Variants in DPH6 observed in about 807,000 individuals in gnomAD.
DPH6 encodes the protein diphthamine biosynthesis 6, also known as diphthine--ammonia ligase.
DPH6 carries 33 observed loss-of-function variants against 38.2 expected under a neutral mutation model. The observed-to-expected ratio is 0.86, with a 90% CI of 0.65 to 1.15. The LOEUF is 1.15. Among genes scored for constraint, DPH6 ranks in the 50% most tolerant of loss-of-function variants. The pLI, the probability that DPH6 is intolerant of heterozygous loss-of-function variation, is 0.00. For missense variants in DPH6, 325 were observed against 320.0 expected (o/e 1.02, Z -0.12); for synonymous variants, 108 against 103.0 (o/e 1.05, Z -0.30).
chr15:35,534,183 G>A (rs1185102296), intron 3 of DPH6, among the ~76,000 whole-genome samples: 1 of 151,962 alleles, frequency 6.6e-6, no homozygotes, highest in East Asian at 1.9e-4. Context: ...TTTGAGACCA[G>A]CCTGACCAAC....
At position 35,364,103 on chromosome 15, in the gene DPH6, G is replaced by C. The variant is rs572386771; in HGVS notation, n.207+9418C>G. ...ATTCTATCTGGAATAATTTCCTTCT[G>C]CCTTAATATCCTTTACTATCCTTTG... On this transcript the variant is annotated intron_variant and non_coding_transcript_variant, in intron 3 of 3. Coordinates refer to the DPH6 transcript ENST00000558973. Among the ~76,000 whole-genome samples the C allele has an allele frequency of 3.3e-5, 5 of 151,720 alleles. No individual in the cohort carries two copies. The East Asian group carries it at 9.7e-4, about 29-fold the overall frequency.
intron 3 of DPH6, among the ~76,000 whole-genome samples, chr15:35,461,696 A>AG (rs1224892968): frequency 6.6e-6 from 1 of 152,088 alleles, no homozygotes; most frequent in Non-Finnish European, 1.5e-5. Flanking sequence ...GAATGAAGGA[A>AG]GGGGGTACGG....
At chr15:35,158,589 TA>T in the DPH6 span, among the ~76,000 whole-genome samples, 1 of 152,086 alleles carries the variant, frequency 6.6e-6, no homozygotes, top group African/African-American at 2.4e-5. Flanking sequence ...AAAAGGAGTT[TA>T]AAAAGAGTTC....
chr15:35,189,160 A>G, the DPH6 span, among the ~76,000 whole-genome samples: 1 of 152,186 alleles, frequency 6.6e-6, no homozygotes, highest in African/African-American at 2.4e-5. Flanking sequence ...ACTTGACATT[A>G]TTAAATAGCT....
At chr15:35,468,792 G>A (rs1010195828) in intron 3 of DPH6, among the ~76,000 whole-genome samples, 8 of 152,054 alleles carry the variant, frequency 5.3e-5, no homozygotes, top group South Asian at 2.1e-4. Context: ...CAGAGGCTGG[G>A]CGCGGTGGCT....
chr15:35,226,337 T>TA (rs1287300250), intron 3 of DPH6, among the ~76,000 whole-genome samples: 1 of 152,186 alleles, frequency 6.6e-6, no homozygotes, highest in Non-Finnish European at 1.5e-5. Context: ...TAAATACCTT[T>TA]ACTCAGTCTT....
At chr15:35,382,176 C>T (rs1019456239) in intron 6 of DPH6, among the ~76,000 whole-genome samples, 2 of 152,178 alleles carry the variant, frequency 1.3e-5, no homozygotes, top group Non-Finnish European at 2.9e-5. Context: ...TGGCTCACGC[C>T]TGTAATCCCA....
intron 3 of DPH6, among the ~76,000 whole-genome samples, chr15:35,351,085 C>G (rs745400915): frequency 6.6e-6 from 1 of 152,128 alleles, no homozygotes; most frequent in Non-Finnish European, 1.5e-5. Context: ...ATTCTTCATG[C>G]TTGCTGTATA....
chr15:35,145,821 T>A, the DPH6 span, among the ~76,000 whole-genome samples: 1 of 152,198 alleles, frequency 6.6e-6, no homozygotes, highest in Non-Finnish European at 1.5e-5. Context: ...TGTATATCCA[T>A]CCACTTCTCT....
the DPH6 span, among the ~76,000 whole-genome samples, chr15:35,171,101 T>G: frequency 6.6e-6 from 1 of 152,234 alleles, no homozygotes; most frequent in Admixed American, 6.5e-5. Context: ...ACATTCATTG[T>G]AAAGAGATGA....
chr15:35,532,689 C>T (rs966426747), intron 3 of DPH6, among the ~76,000 whole-genome samples: 10 of 152,018 alleles, frequency 6.6e-5, no homozygotes, highest in Non-Finnish European at 1.0e-4. Flanking sequence ...TCATGAGCAA[C>T]TGAATATACA....
At chr15:35,266,908 A>G (rs1786786968) in intron 3 of DPH6, among the ~76,000 whole-genome samples, 1 of 152,216 alleles carries the variant, frequency 6.6e-6, no homozygotes, top group African/African-American at 2.4e-5. Flanking sequence ...ACATTAATAC[A>G]GAAATAAAAT....
chr15:35,294,770 G>C (rs2052003872), intron 3 of DPH6, among the ~76,000 whole-genome samples: 1 of 152,174 alleles, frequency 6.6e-6, no homozygotes, highest in South Asian at 2.1e-4. Flanking sequence ...TGTGACATAT[G>C]AGATAAAGGT....
chr15:35,356,866 G>A lies in DPH6; in HGVS notation n.207+16655C>T, dbSNP rs191601014. The stretch of plus-strand genomic sequence containing the variant: ...TTTCTGCTGTCTTTTGTTTGGCTAT[G>A]CCCTGCCCCCAGAGGTGGAGTCTAC... On this transcript the variant is annotated intron_variant and non_coding_transcript_variant, in intron 3 of 3. Transcript: ENST00000558973. 5.3e-5 allele frequency among the ~76,000 whole-genome samples: 8 copies of A among 152,302 alleles called. No individual in the cohort carries two copies. The East Asian group carries it at 1.5e-3, about 29-fold the overall frequency.
intron 3 of DPH6, among the ~76,000 whole-genome samples, chr15:35,334,911 T>C (rs1455843990): frequency 6.6e-6 from 1 of 152,152 alleles, no homozygotes; most frequent in Non-Finnish European, 1.5e-5. Context: ...CCTTTGGGTA[T>C]ATACTCAGTA....
exon 4 of DPH6, chr15:35,219,190 C>T (rs573423796): frequency 7.0e-4 from 106 of 152,248 alleles, no homozygotes; most frequent in African/African-American, 2.4e-3. Context: ...GGTAAACAGC[C>T]TCTATGCTGA....
intron 3 of DPH6, among the ~76,000 whole-genome samples, chr15:35,523,589 T>C (rs1029476519): frequency 2.0e-5 from 3 of 152,072 alleles, no homozygotes; most frequent in Non-Finnish European, 2.9e-5. Context: ...TTGCTTTCCA[T>C]AAATGGAAAA....
At chr15:35,516,779 G>A (rs751919535) in intron 3 of DPH6, among the ~76,000 whole-genome samples, 12 of 152,094 alleles carry the variant, frequency 7.9e-5, no homozygotes, top group Non-Finnish European at 1.5e-4. Context: ...ACAACTCAGT[G>A]ATGGAGATGA....
chr15:35,274,268 A>C (rs1051846331), intron 3 of DPH6, among the ~76,000 whole-genome samples: 6 of 152,244 alleles, frequency 3.9e-5, no homozygotes, highest in African/African-American at 1.4e-4. Flanking sequence ...TGGATTAAAG[A>C]CTTAAGTGTA....
Sources: gnomAD v4.1 joint callset for allele counts (sites outside exome capture counted in the v4.1 genomes callset) on GRCh38, gnomAD v4.1.1 for gene constraint, MANE v1.5 for transcripts, NCBI Gene and HGNC (gene_info 2026-07-23, HGNC 2026-07-21) for gene names.